Variants in CRTC3 observed in about 807,000 individuals in gnomAD.
CRTC3 encodes CREB regulated transcription coactivator 3, also known as CREB-regulated transcription coactivator 3.
CRTC3 carries 26 observed loss-of-function variants against 74.5 expected under a neutral mutation model. The ratio of observed to expected loss-of-function variants is 0.35; its 90% CI spans 0.26 to 0.48. The LOEUF is 0.48. CRTC3 is among the 20% of genes least tolerant of loss of function. The probability of loss-of-function intolerance (pLI) is 0.99; values close to 1 mark genes in which losing one functional copy is unlikely to be tolerated. For synonymous variants in CRTC3, 377 were observed against 325.8 expected (o/e 1.16, Z -1.69); for missense variants, 760 against 787.3 (o/e 0.97, Z 0.41).
chr15:90,568,713 G>A (rs1967183053), intron 2 of CRTC3, among the ~76,000 whole-genome samples: 1 of 152,136 alleles, frequency 6.6e-6, no homozygotes, highest in Admixed American at 6.5e-5. Context: ...GAAATCTTTT[G>A]TGAAAGGAAG....
In CRTC3 at chr15:90,617,629, A is replaced by G. The variant is rs148259578; in HGVS notation, c.614-254A>G. Among the ~76,000 whole-genome samples, 314 of 152,216 alleles carry G rather than the reference A, an allele frequency of 2.1e-3. 1 individual carries two copies. Among genetic ancestry groups the G allele is most frequent in the African/African-American group, 7.3e-3 (304 of 41,542 alleles). On this transcript the variant is annotated intron_variant, in intron 7 of 14. Coordinates refer to ENST00000268184, the MANE Select transcript of CRTC3 (RefSeq NM_022769.5). ...AGTGCAGCCTCAGCCTCTCAGGCTC[A>G]AGGAGACCTCCCACCTCAGCCTCCC... is the stretch of plus-strand genomic sequence containing the variant.
At position 90,641,998 on chromosome 15, in the gene CRTC3, T is replaced by C. The variant is rs1378672828; in HGVS notation, c.1718T>C (p.Leu573Pro). 1.2e-5 allele frequency: 20 copies of C among 1,613,784 alleles called. No homozygotes were observed. Among genetic ancestry groups the C allele is most frequent in the Non-Finnish European group, 1.7e-5 (20 of 1,180,008 alleles). ...SALAGLPEVS[L>P]NVDTPFPLEE... ...CTGGCAGGCCTGCCTGAGGTCAGCCTGAACGTGGACACTCCATTTCCACTG... is the reference window on the plus strand; with the variant it reads ...CTGGCAGGCCTGCCTGAGGTCAGCCCGAACGTGGACACTCCATTTCCACTG... The change falls in exon 15 of 15, where the codon CTG (leucine) becomes CCG (proline). Residue 573 changes from leucine (L) to proline (P), a missense_variant. Physicochemically the swap from Leu to Pro is moderately conservative, Grantham distance 98. Transcript: ENST00000268184.
chr15:90,641,062 T>C (rs1969421584), intron 13 of CRTC3, 35 bp from the exon 14 acceptor site: 1 of 1,369,984 alleles, frequency 7.3e-7, no homozygotes, highest in African/African-American at 1.4e-5. Flanking sequence ...GAAACAGAGG[T>C]GTGGCCTTCC....
chr15:90,601,758 A>G (rs1031837577), intron 3 of CRTC3, among the ~76,000 whole-genome samples: 1 of 152,188 alleles, frequency 6.6e-6, no homozygotes, highest in African/African-American at 2.4e-5. Context: ...GGGGTCATAC[A>G]ATGTCATTGA....
At chr15:90,578,083 T>A (rs999793645) in intron 2 of CRTC3, among the ~76,000 whole-genome samples, 6 of 151,912 alleles carry the variant, frequency 3.9e-5, no homozygotes, top group African/African-American at 1.5e-4. Context: ...GTCCAGCTAA[T>A]TTTTTGTATT....
At chr15:90,619,670 C>A in intron 8 of CRTC3, 71 bp from the exon 9 acceptor site, 1 of 1,326,374 alleles carries the variant, frequency 7.5e-7, no homozygotes, top group Non-Finnish European at 1.1e-6. Context: ...AAGGTCCTTA[C>A]GAAGACACTT....
intron 1 of CRTC3, among the ~76,000 whole-genome samples, chr15:90,532,546 C>T (rs1407799324): frequency 6.6e-6 from 1 of 152,192 alleles, no homozygotes; most frequent in East Asian, 1.9e-4. Flanking sequence ...TGCTCTTTCC[C>T]CTCTGAGCCT....
intron 6 of CRTC3, chr15:90,613,821 A>G (rs1302974350): frequency 6.6e-6 from 1 of 152,248 alleles, no homozygotes; most frequent in Non-Finnish European, 1.5e-5. Flanking sequence ...GCAATAGGAA[A>G]TACTATGCTT....
At chr15:90,556,571 GAGGCTGGTGAGTGACCA>G (rs1166197875) in intron 2 of CRTC3, among the ~76,000 whole-genome samples, 1 of 152,198 alleles carries the variant, frequency 6.6e-6, no homozygotes, top group African/African-American at 2.4e-5. Flanking sequence ...CACGGGCCTA[GAGGCTGGTGAGTGACCA>G]AGGCTGCCTA....
chr15:90,551,800 A>C (rs7183319), intron 2 of CRTC3, among the ~76,000 whole-genome samples: 1 of 151,040 alleles, frequency 6.6e-6, no homozygotes, highest in Non-Finnish European at 1.5e-5. Flanking sequence ...TCTGAGTACA[A>C]GCATTTCAAA....
chr15:90,581,381 T>C (rs1467653324), intron 2 of CRTC3, among the ~76,000 whole-genome samples: 1 of 152,236 alleles, frequency 6.6e-6, no homozygotes, highest in Non-Finnish European at 1.5e-5. Flanking sequence ...TTCCAGAGCA[T>C]TTTATTCTTT....
intron 2 of CRTC3, among the ~76,000 whole-genome samples, chr15:90,540,410 CGT>C (rs766272442): frequency 2.0e-5 from 3 of 152,068 alleles, no homozygotes; most frequent in Non-Finnish European, 4.4e-5. Context: ...AGAAGAAACA[CGT>C]GGGGTTAATT....
At chr15:90,563,062 G>A (rs1366824066) in intron 2 of CRTC3, among the ~76,000 whole-genome samples, 3 of 152,166 alleles carry the variant, frequency 2.0e-5, no homozygotes, top group Admixed American at 6.5e-5. Context: ...CTTAGTCTCC[G>A]AGAAGTTTTG....
intron 1 of CRTC3, chr15:90,539,753 T>C (rs1387803344): frequency 5.9e-6 from 2 of 336,932 alleles, no homozygotes; most frequent in African/African-American, 2.2e-5. Context: ...TTATTGTTGT[T>C]AAAGATTATG....
chr15:90,570,509 T>G (rs1436848164), intron 2 of CRTC3, among the ~76,000 whole-genome samples: 1 of 152,186 alleles, frequency 6.6e-6, no homozygotes, highest in African/African-American at 2.4e-5. Context: ...TGACAATTTC[T>G]TCAGTAATAC....
intron 6 of CRTC3, among the ~76,000 whole-genome samples, chr15:90,609,016 T>C (rs1253905764): frequency 6.6e-6 from 1 of 152,242 alleles, no homozygotes; most frequent in Non-Finnish European, 1.5e-5. Context: ...CTTTTCTGGT[T>C]TTCTTTGCTT....
At chr15:90,641,561 A>G (rs7173624) in intron 14 of CRTC3, among the ~76,000 whole-genome samples, 37,408 of 151,858 alleles carry the variant, frequency 0.25, 5,450 homozygotes, top group African/African-American at 0.42. Flanking sequence ...TTAGCTGGGC[A>G]TGGCGGCGGG....
chr15:90,570,053 G>T (rs757534775), intron 2 of CRTC3, among the ~76,000 whole-genome samples: 16 of 152,094 alleles, frequency 1.1e-4, no homozygotes, highest in Non-Finnish European at 2.9e-5. Flanking sequence ...TTACTATGTT[G>T]AACAAAATAC....
intron 3 of CRTC3, chr15:90,594,306 G>A (rs1255286877): frequency 6.6e-6 from 1 of 152,262 alleles, no homozygotes; most frequent in African/African-American, 2.4e-5. Context: ...CTGTTAAGTA[G>A]AAATAAAGGA....
Sources: gnomAD v4.1 joint callset for allele counts (sites outside exome capture counted in the v4.1 genomes callset) on GRCh38, gnomAD v4.1.1 for gene constraint, MANE v1.5 for transcripts, NCBI Gene and HGNC (gene_info 2026-07-23, HGNC 2026-07-21) for gene names.